Variants in SLC24A3 observed in about 807,000 individuals in gnomAD.
SLC24A3 encodes the protein sodium/potassium/calcium exchanger 3.
SLC24A3 carries 28 observed loss-of-function variants against 75.8 expected under a neutral mutation model. The observed-to-expected ratio is 0.37, with a 90% CI of 0.27 to 0.51. The LOEUF is 0.51. SLC24A3 is among the 20% of genes least tolerant of loss of function. SLC24A3 has a pLI of 0.94. For missense variants in SLC24A3, 663 were observed against 847.8 expected (o/e 0.78, Z 2.71); for synonymous variants, 372 against 334.1 (o/e 1.11, Z -1.24).
intron 6 of SLC24A3, among the ~76,000 whole-genome samples, chr20:19,615,874 T>C (rs1224407193): frequency 6.6e-6 from 1 of 152,192 alleles, no homozygotes; most frequent in Non-Finnish European, 1.5e-5. Flanking sequence ...GCTACACTGT[T>C]GGCTTCCCTG....
rs147340508 is a variant in SLC24A3, at chr20:19,590,819, A to G, written c.612+5275A>G. Reference sequence around the variant, plus strand: ...GAGCCCCAGCCCTAGCCCAAGGCCAACTGAATCAGAAGAGCAGCTCACCTG... The same window carrying G: ...GAGCCCCAGCCCTAGCCCAAGGCCAGCTGAATCAGAAGAGCAGCTCACCTG... On this transcript the variant is annotated intron_variant, in intron 6 of 16. Transcript: ENST00000328041. 2.6e-3 allele frequency among the ~76,000 whole-genome samples: 389 copies of G among 152,328 alleles called. 1 individual carries two copies. The highest frequency in any genetic ancestry group is 0.017 in the South Asian group (82 of 4,822).
intron 2 of SLC24A3, among the ~76,000 whole-genome samples, chr20:19,438,912 C>G (rs1289931874): frequency 1.3e-5 from 2 of 152,244 alleles, no homozygotes; most frequent in Non-Finnish European, 2.9e-5. Context: ...TGCATCCTCC[C>G]TCTCCAGTCC....
intron 15 of SLC24A3, among the ~76,000 whole-genome samples, chr20:19,716,325 C>T (rs1282454199): frequency 6.6e-6 from 1 of 151,878 alleles, no homozygotes; most frequent in Non-Finnish European, 1.5e-5. Context: ...AAGTCAGCAC[C>T]CCAGTACTCT....
At chr20:19,703,661 A>C (rs1018915810) in intron 15 of SLC24A3, among the ~76,000 whole-genome samples, 3 of 152,244 alleles carry the variant, frequency 2.0e-5, no homozygotes, top group African/African-American at 7.2e-5. Context: ...GAAATATTTC[A>C]TCAAAAATAG....
rs145605933 is a variant in SLC24A3 at position 19,551,244 on chromosome 20, C to T, written c.349-28756C>T. Among the ~76,000 whole-genome samples the T allele has an allele frequency of 8.6e-4, 131 of 152,176 alleles. 1 individual carries two copies. The highest frequency in any genetic ancestry group is 2.7e-3 in the African/African-American group (112 of 41,510). The stretch of plus-strand genomic sequence containing the variant: ...AGTCAGGACCTCACATGGAATAAAC[C>T]AGGAAGGCAGGAGGTGAAGATGAGA... On this transcript the variant is annotated intron_variant, in intron 3 of 16. Coordinates refer to ENST00000328041, the MANE Select transcript of SLC24A3 (RefSeq NM_020689.4).
At chr20:19,398,627 A>G (rs920974894) in intron 2 of SLC24A3, among the ~76,000 whole-genome samples, 4 of 152,176 alleles carry the variant, frequency 2.6e-5, no homozygotes, top group Admixed American at 6.5e-5. Flanking sequence ...CTGCAAATGA[A>G]GACAGTTTTC....
chr20:19,431,694 C>T (rs1987106265), intron 2 of SLC24A3, among the ~76,000 whole-genome samples: 1 of 150,160 alleles, frequency 6.7e-6, no homozygotes, highest in Non-Finnish European at 1.5e-5. Flanking sequence ...AGAAAATCAA[C>T]AATTCACTCA....
chr20:19,346,261 A>G lies in SLC24A3; in HGVS notation c.271+65174A>G, dbSNP rs1379150820. Reference sequence around the variant, plus strand: ...TATATATGGTGTATATATATATGGTATATATATATGGTGTATATATATATG... The same window carrying G: ...TATATATGGTGTATATATATATGGTGTATATATATGGTGTATATATATATG... On this transcript the variant is annotated intron_variant, in intron 2 of 16. Coordinates refer to ENST00000328041, the MANE Select transcript of SLC24A3 (RefSeq NM_020689.4). Among the ~76,000 whole-genome samples, 20 of 99,668 alleles carry G rather than the reference A, an allele frequency of 2.0e-4. 2 individuals are homozygous for G. The highest frequency in any genetic ancestry group is 8.3e-4 in the African/African-American group (12 of 14,530). The allele number at this position is 99,668 out of a possible 152,430, so 65.4% of individuals were successfully genotyped here. A position where few individuals can be genotyped will look rare whatever the true frequency, so the allele number is the denominator to read the frequency against.
chr20:19,558,311 C>CTT (rs1386920450), intron 3 of SLC24A3, among the ~76,000 whole-genome samples: 1 of 151,886 alleles, frequency 6.6e-6, no homozygotes, highest in African/African-American at 2.4e-5. Flanking sequence ...GTGTAAGAAA[C>CTT]TTTTTATTTT....
At chr20:19,346,063 CTATATA>C (rs763603062) in intron 2 of SLC24A3, among the ~76,000 whole-genome samples, 713 of 21,230 alleles carry the variant, frequency 0.034, 16 homozygotes, top group Non-Finnish European at 0.043. Flanking sequence ...ATAAAGAAAA[CTATATA>C]TATATATATA....
At chr20:19,673,193 A>T (rs1480664815) in intron 8 of SLC24A3, among the ~76,000 whole-genome samples, 5 of 152,090 alleles carry the variant, frequency 3.3e-5, no homozygotes, top group Non-Finnish European at 5.9e-5. Context: ...GCTCCTATAT[A>T]TACAGCAATC....
At chr20:19,577,405 T>G (rs886718181) in intron 3 of SLC24A3, among the ~76,000 whole-genome samples, 1 of 152,210 alleles carries the variant, frequency 6.6e-6, no homozygotes, top group Non-Finnish European at 1.5e-5. Context: ...GTACAGATTA[T>G]GAATAGATCT....
At chr20:19,229,879 T>C (rs1409883924) in intron 1 of SLC24A3, among the ~76,000 whole-genome samples, 1 of 152,206 alleles carries the variant, frequency 6.6e-6, no homozygotes, top group Non-Finnish European at 1.5e-5. Context: ...TTCCCATTTA[T>C]GTTTTGTGTT....
intron 1 of SLC24A3, among the ~76,000 whole-genome samples, chr20:19,280,747 C>T (rs1983635135): frequency 6.6e-6 from 1 of 152,164 alleles, no homozygotes; most frequent in African/African-American, 2.4e-5. Context: ...CTTGATCCCA[C>T]TGGGAAGAAT....
At chr20:19,233,200 G>T (rs1170788099) in intron 1 of SLC24A3, among the ~76,000 whole-genome samples, 7 of 152,244 alleles carry the variant, frequency 4.6e-5, no homozygotes, top group African/African-American at 1.7e-4. Context: ...TCCGGGGTGG[G>T]GAGGGTCTCT....
chr20:19,213,120 G>A, intron 1 of SLC24A3, 136 bp downstream of exon 1: 1 of 1,001,520 alleles, frequency 1.0e-6, no homozygotes. Flanking sequence ...GGGGGAGTGG[G>A]ATGCCAGGCA....
At chr20:19,678,181 A>G (rs1373210446) in intron 9 of SLC24A3, among the ~76,000 whole-genome samples, 3 of 148,914 alleles carry the variant, frequency 2.0e-5, no homozygotes, top group Admixed American at 6.6e-5. Context: ...ATTCCACAAA[A>G]CCGCCATTGT....
intron 3 of SLC24A3, among the ~76,000 whole-genome samples, chr20:19,559,679 C>T (rs1044507037): frequency 3.9e-5 from 6 of 152,112 alleles, no homozygotes; most frequent in African/African-American, 1.4e-4. Flanking sequence ...AACTCTAAAT[C>T]TAGTAACAGA....
At chr20:19,612,693 C>T (rs993415093) in intron 6 of SLC24A3, among the ~76,000 whole-genome samples, 2 of 151,860 alleles carry the variant, frequency 1.3e-5, no homozygotes, top group South Asian at 2.1e-4. Flanking sequence ...GTGATCACCC[C>T]CCCTCTGCTG....
Sources: allele counts gnomAD v4.1 joint callset (sites outside exome capture counted in the v4.1 genomes callset), GRCh38; gene constraint gnomAD v4.1.1; transcripts MANE v1.5; gene names NCBI Gene and HGNC (gene_info 2026-07-23, HGNC 2026-07-21).